Variants in CPQ observed in about 807,000 individuals in gnomAD.
CPQ encodes Ser-Met dipeptidase.
CPQ carries 37 observed loss-of-function variants against 45.7 expected under a neutral mutation model. That is an observed-to-expected ratio of 0.81 (90% CI 0.62 to 1.07). The LOEUF is 1.07. Among genes scored for constraint, CPQ ranks in the 50% least tolerant of loss-of-function variants. CPQ has a pLI of 0.00. For missense variants in CPQ, 537 were observed against 572.9 expected (o/e 0.94, Z 0.64); for synonymous variants, 186 against 205.8 (o/e 0.90, Z 0.82).
chr8:96,673,436 CA>C (rs1809032940), intron 1 of CPQ, among the ~76,000 whole-genome samples: 1 of 152,108 alleles, frequency 6.6e-6, no homozygotes, highest in South Asian at 2.1e-4. Flanking sequence ...CACCCCTATG[CA>C]AATGAAGACT....
intron 7 of CPQ, among the ~76,000 whole-genome samples, chr8:97,134,550 C>T (rs1812016847): frequency 6.6e-6 from 1 of 152,214 alleles, no homozygotes; most frequent in Non-Finnish European, 1.5e-5. Flanking sequence ...TACTCTATTT[C>T]ATGGTCCAGG....
chr8:96,800,976 A>AT (rs5893399), intron 2 of CPQ, among the ~76,000 whole-genome samples: 82,998 of 139,688 alleles, frequency 0.59, 26,035 homozygotes, highest in East Asian at 0.82. Context: ...TCTGAATTTG[A>AT]TTTTTTTTTT....
intron 4 of CPQ, among the ~76,000 whole-genome samples, chr8:96,930,421 T>G (rs1465548813): frequency 6.6e-6 from 1 of 152,254 alleles, no homozygotes. Context: ...ACAGAATTGC[T>G]GTCTCAGAAG....
chr8:97,032,267 T>C (rs1319414178), intron 6 of CPQ, among the ~76,000 whole-genome samples: 1 of 152,246 alleles, frequency 6.6e-6, no homozygotes, highest in African/African-American at 2.4e-5. Flanking sequence ...CTCTGCTTTA[T>C]ACAGGTATTC....
At chr8:96,864,714 T>G (rs1811974315) in intron 3 of CPQ, among the ~76,000 whole-genome samples, 1 of 152,084 alleles carries the variant, frequency 6.6e-6, no homozygotes, top group African/African-American at 2.4e-5. Context: ...ATAAATATCT[T>G]TATTTCAGTA....
At chr8:96,662,867 G>A (rs2514769) in intron 1 of CPQ, among the ~76,000 whole-genome samples, 104,360 of 151,856 alleles carry the variant, frequency 0.69, 36,012 homozygotes, top group African/African-American at 0.73. Flanking sequence ...GCACTCCTGT[G>A]GTCCCAGCTA....
intron 7 of CPQ, among the ~76,000 whole-genome samples, chr8:97,079,904 G>A (rs75995397): frequency 3.3e-5 from 5 of 152,142 alleles, no homozygotes; most frequent in Non-Finnish European, 4.4e-5. Flanking sequence ...AAAACTAAAA[G>A]CGTTGCCTGG....
At position 96,992,639 on chromosome 8, in the gene CPQ, G is replaced by A. The variant is rs190230659; in HGVS notation, c.961+26593G>A. On this transcript the variant is annotated intron_variant, in intron 5 of 7. Coordinates refer to ENST00000220763, the MANE Select transcript of CPQ (RefSeq NM_016134.4). ...CTTCAAGGGATGTTGTGATGAATCA[G>A]TCAGAAAATGTATGTGAAGTTAATG... Among the ~76,000 whole-genome samples, 253 of 152,254 alleles carry A rather than the reference G, an allele frequency of 1.7e-3. 3 individuals carry two copies. The highest frequency in any genetic ancestry group is 0.013 in the Admixed American group (197 of 15,286).
intron 2 of CPQ, among the ~76,000 whole-genome samples, chr8:96,834,349 T>TAAA (rs1386805069): frequency 6.6e-6 from 1 of 152,204 alleles, no homozygotes; most frequent in Admixed American, 6.5e-5. Flanking sequence ...ACAAGTACCG[T>TAAA]AAATGGGAAG....
intron 3 of CPQ, among the ~76,000 whole-genome samples, chr8:96,837,256 A>C (rs1811542315): frequency 6.6e-6 from 1 of 152,186 alleles, no homozygotes; most frequent in Non-Finnish European, 1.5e-5. Context: ...TTCTTTGATG[A>C]GTATTCTATA....
intron 1 of CPQ, among the ~76,000 whole-genome samples, chr8:96,696,350 G>T (rs916691728): frequency 5.3e-5 from 8 of 152,032 alleles, no homozygotes; most frequent in African/African-American, 1.9e-4. Context: ...TAGATGACGA[G>T]TTAGTGGGTG....
chr8:96,822,978 A>G (rs1251009610), intron 2 of CPQ, among the ~76,000 whole-genome samples: 1 of 152,038 alleles, frequency 6.6e-6, no homozygotes, highest in East Asian at 1.9e-4. Flanking sequence ...TCTCTGTCAT[A>G]TGAAATTATA....
At chr8:97,118,048 C>A (rs1285422257) in intron 7 of CPQ, among the ~76,000 whole-genome samples, 1 of 151,914 alleles carries the variant, frequency 6.6e-6, no homozygotes, top group Admixed American at 6.6e-5. Flanking sequence ...TGCAGTGTGC[C>A]AATAAGAGTT....
chr8:96,752,940 A>G (rs1026435493), intron 1 of CPQ, among the ~76,000 whole-genome samples: 3 of 151,800 alleles, frequency 2.0e-5, no homozygotes, highest in African/African-American at 7.3e-5. Context: ...GTGTCATTCC[A>G]CCATTTTATT....
At chr8:96,903,163 T>C (rs971812225) in intron 4 of CPQ, among the ~76,000 whole-genome samples, 2 of 152,246 alleles carry the variant, frequency 1.3e-5, no homozygotes, top group Non-Finnish European at 2.9e-5. Context: ...GATACTTCAG[T>C]TGGCGTTGCT....
At chr8:96,846,333 A>T (rs1811689495) in intron 3 of CPQ, among the ~76,000 whole-genome samples, 1 of 152,138 alleles carries the variant, frequency 6.6e-6, no homozygotes, top group South Asian at 2.1e-4. Context: ...TAATTTTTTT[A>T]AAAATTACTG....
At chr8:96,992,129 C>G (rs1442301825) in intron 5 of CPQ, among the ~76,000 whole-genome samples, 1 of 152,192 alleles carries the variant, frequency 6.6e-6, no homozygotes, top group Non-Finnish European at 1.5e-5. Context: ...CCCTTTTCTT[C>G]TATAATTTTC....
chr8:96,964,634 A>G (rs1199386009), intron 4 of CPQ, among the ~76,000 whole-genome samples: 3 of 152,162 alleles, frequency 2.0e-5, no homozygotes, highest in Admixed American at 6.5e-5. Flanking sequence ...ACACTCTCAC[A>G]TATTAAAGAT....
At chr8:96,805,841 G>A (rs1811071778) in intron 2 of CPQ, among the ~76,000 whole-genome samples, 1 of 151,808 alleles carries the variant, frequency 6.6e-6, no homozygotes. Context: ...GTTTATTTCT[G>A]TAGTGATGAT....
Sources: allele counts gnomAD v4.1 joint callset (sites outside exome capture counted in the v4.1 genomes callset), GRCh38; gene constraint gnomAD v4.1.1; transcripts MANE v1.5; gene names NCBI Gene and HGNC (gene_info 2026-07-23, HGNC 2026-07-21).